The following DYM variants were observed in gnomAD, a reference collection of about 807,000 sequenced individuals.
DYM encodes the protein dyggve-Melchior-Clausen syndrome protein.
A neutral mutation model predicts 93.1 loss-of-function variants in DYM; 78 were observed. The ratio of observed to expected loss-of-function variants is 0.84; its 90% confidence interval spans 0.70 to 1.01. The LOEUF is 1.01. Among genes scored for constraint, DYM ranks in the 50% least tolerant of loss-of-function variants. The pLI, the probability that DYM is intolerant of heterozygous loss-of-function variation, is 0.00. For missense variants in DYM, 789 were observed against 845.0 expected, an observed-to-expected ratio of 0.93 and a Z score of 0.82; for synonymous variants, 321 against 319.7, an observed-to-expected ratio of 1.00 and a Z score of -0.04.
chr18:49,210,720 C>T (rs1387166251), intron 13 of DYM, among the ~76,000 whole-genome samples: 2 of 152,126 alleles, frequency 1.3e-5, no homozygotes, highest in Admixed American at 1.3e-4. Context: ...AATGCAGTTT[C>T]ATCAACTATA....
chr18:49,112,935 T>G (rs1305954634), intron 16 of DYM, among the ~76,000 whole-genome samples: 1 of 152,190 alleles, frequency 6.6e-6, no homozygotes, highest in African/African-American at 2.4e-5. Flanking sequence ...ATTACATTCT[T>G]TAAATCTGCA....
intron 14 of DYM, among the ~76,000 whole-genome samples, chr18:49,206,164 A>T (rs921194321): frequency 1.3e-5 from 2 of 151,750 alleles, no homozygotes; most frequent in African/African-American, 4.8e-5. Context: ...ACTCCTGGCT[A>T]ATTTTTTGTA....
intron 15 of DYM, among the ~76,000 whole-genome samples, chr18:49,141,647 A>C (rs1034997816): frequency 6.6e-6 from 1 of 152,058 alleles, no homozygotes; most frequent in African/African-American, 2.4e-5. Flanking sequence ...CAGAGAGCAA[A>C]CCCCTGAATC....
intron 8 of DYM, chr18:49,321,179 T>C (rs1212085587): frequency 5.1e-6 from 2 of 390,052 alleles, no homozygotes; most frequent in Non-Finnish European, 9.0e-6. Flanking sequence ...TTTTAAATTC[T>C]ACAATTTACA....
chr18:49,282,592 G>A (rs575504740), intron 9 of DYM, among the ~76,000 whole-genome samples: 10 of 152,302 alleles, frequency 6.6e-5, no homozygotes, highest in Admixed American at 2.6e-4. Context: ...CAGCCTGGGC[G>A]AGAGTGAGAC....
intron 14 of DYM, among the ~76,000 whole-genome samples, chr18:49,204,741 A>C (rs2092379898): frequency 6.6e-6 from 1 of 152,230 alleles, no homozygotes; most frequent in Non-Finnish European, 1.5e-5. Context: ...ACTGAAGTGC[A>C]CACACAAACT....
chr18:49,197,363 G>A (rs139861109), intron 14 of DYM, among the ~76,000 whole-genome samples: 10 of 151,996 alleles, frequency 6.6e-5, no homozygotes, highest in Admixed American at 6.6e-5. Flanking sequence ...ATGGCAAAAG[G>A]GGGGGAAGAA....
chr18:49,441,439 C>T (rs972096882), intron 1 of DYM, among the ~76,000 whole-genome samples: 3 of 135,730 alleles, frequency 2.2e-5, no homozygotes, highest in African/African-American at 8.4e-5. Context: ...AAAGCTGAAA[C>T]AGGAGATCAG....
chr18:49,272,296 G>C lies in DYM; in HGVS notation c.1133C>G (p.Pro378Arg), dbSNP rs1178875387. 6.5e-7 allele frequency: 1 copy of C among 1,535,620 alleles called. No homozygotes were observed. Among genetic ancestry groups the C allele is most frequent in the Admixed American group, 1.7e-5 (1 of 59,584 alleles). The change falls in exon 11 of 18, where the codon CCA (proline) becomes CGA (arginine). Residue 378 changes from proline to arginine, a missense_variant. Coordinates refer to ENST00000675505, the MANE Select transcript of DYM (RefSeq NM_001353214.3). ...AACATGATACAGAATCTCAAGAATTGGTAAAACCTAGAGAATAAAAATTAT... is the reference window on the plus strand; with the variant it reads ...AACATGATACAGAATCTCAAGAATTCGTAAAACCTAGAGAATAAAAATTAT... ...ARTDMENLVL[P>R]ILEILYHVEE... is the part of the protein sequence containing the mutation.
intron 17 of DYM, among the ~76,000 whole-genome samples, chr18:49,071,705 T>C (rs970452294): frequency 2.0e-5 from 3 of 152,138 alleles, no homozygotes; most frequent in African/African-American, 7.2e-5. Flanking sequence ...AGAAGTCAAA[T>C]GTGAAGCCGC....
chr18:49,162,234 G>A (rs2087235711), intron 15 of DYM, among the ~76,000 whole-genome samples: 1 of 152,092 alleles, frequency 6.6e-6, no homozygotes, highest in Non-Finnish European at 1.5e-5. Flanking sequence ...TGATGTCTTA[G>A]TGCATTTTCT....
At chr18:49,256,377 G>A (rs114666827) in intron 13 of DYM, among the ~76,000 whole-genome samples, 1 of 152,162 alleles carries the variant, frequency 6.6e-6, no homozygotes, top group African/African-American at 2.4e-5. Flanking sequence ...ACAATCTACT[G>A]TTGCTGGCTT....
At position 49,170,780 on chromosome 18, in the gene DYM, C is replaced by CAAAAA. The variant is rs34297501; in HGVS notation, c.1626-6998_1626-6994dup. ...TGGGCAACAAAGTGAGACTCCGTCT[C>CAAAAA]AAAAAAAAAAAAAAAAAAAAAAAAA... On this transcript the variant is annotated intron_variant, in intron 14 of 17. Transcript: ENST00000675505. 4.2e-4 allele frequency among the ~76,000 whole-genome samples: 13 copies of CAAAAA among 31,238 alleles called. 2 individuals are homozygous for CAAAAA. Among genetic ancestry groups the CAAAAA allele is most frequent in the South Asian group, 1.6e-3 (1 of 642 alleles). The allele number at this position is 31,238 out of a possible 152,430, so 20.5% of individuals were successfully genotyped here.
chr18:49,284,051 T>C (rs922772536), intron 9 of DYM, among the ~76,000 whole-genome samples: 6 of 152,124 alleles, frequency 3.9e-5, no homozygotes, highest in African/African-American at 1.5e-4. Context: ...GCAGATATTA[T>C]GGAATCTACA....
chr18:49,443,139 C>A (rs1005235562), intron 1 of DYM, among the ~76,000 whole-genome samples: 1 of 151,976 alleles, frequency 6.6e-6, no homozygotes, highest in Non-Finnish European at 1.5e-5. Flanking sequence ...TAAGCCACTG[C>A]GCCCAACCTG....
At chr18:49,287,828 C>CAAAAAAAAAAAAAAAAAAAAAAAAAAAAA (rs55895967) in intron 8 of DYM, among the ~76,000 whole-genome samples, 1 of 74,940 alleles carries the variant, frequency 1.3e-5, no homozygotes. Flanking sequence ...AACTCCGTCT[C>CAAAAAAAAAAAAAAAAAAAAAAAAAAAAA]AAAAAAAAAA....
chr18:49,327,709 A>G (rs2063001565), intron 8 of DYM, among the ~76,000 whole-genome samples: 1 of 152,216 alleles, frequency 6.6e-6, no homozygotes, highest in African/African-American at 2.4e-5. Flanking sequence ...GAAAAGAAAA[A>G]TAAAGAATAA....
chr18:49,209,978 C>G (rs1228109249), intron 13 of DYM, among the ~76,000 whole-genome samples: 1 of 152,114 alleles, frequency 6.6e-6, no homozygotes, highest in Non-Finnish European at 1.5e-5. Context: ...CATCATACAT[C>G]ACTAGGAAAA....
intron 15 of DYM, among the ~76,000 whole-genome samples, chr18:49,140,207 T>C (rs181225506): frequency 3.9e-5 from 6 of 152,066 alleles, no homozygotes; most frequent in East Asian, 1.9e-4. Context: ...CACACACACA[T>C]ACACACACAC....
Sources: gnomAD v4.1 joint callset for allele counts (sites outside exome capture counted in the v4.1 genomes callset) on GRCh38, gnomAD v4.1.1 for gene constraint, MANE v1.5 for transcripts, NCBI Gene and HGNC (gene_info 2026-07-23, HGNC 2026-07-21) for gene names.